The following KANK3 variants were observed in gnomAD, a reference collection of about 807,000 sequenced individuals.
The protein encoded by KANK3 is KN motif and ankyrin repeat domains 3.
In KANK3, 61 loss-of-function variants were observed where a neutral mutation model predicts 65.4. The observed-to-expected ratio is 0.93, with a 90% confidence interval of 0.76 to 1.15. The LOEUF (loss-of-function observed/expected upper bound fraction) is 1.15. Among genes scored for constraint, KANK3 ranks in the 50% most tolerant of loss-of-function variants. The pLI is 0.00. For missense variants in KANK3, 1,187 were observed against 1,178.8 expected (o/e 1.01, Z -0.10); for synonymous variants, 586 against 543.3 (o/e 1.08, Z -1.09).
chr19:8,330,278 A>G (rs1396183788), intron 7 of KANK3, among the ~76,000 whole-genome samples: 3 of 152,050 alleles, frequency 2.0e-5, no homozygotes, highest in Non-Finnish European at 4.4e-5. Flanking sequence ...GAACCAGGGG[A>G]AGGTCTGGAG....
intron 7 of KANK3, among the ~76,000 whole-genome samples, chr19:8,326,322 A>G (rs2145415012): frequency 6.6e-6 from 1 of 152,084 alleles, no homozygotes; most frequent in South Asian, 2.1e-4. Flanking sequence ...TCAGCTACTC[A>G]GGAGGCTGAG....
intron 7 of KANK3, among the ~76,000 whole-genome samples, chr19:8,331,744 G>C (rs1241558462): frequency 6.6e-6 from 1 of 152,126 alleles, no homozygotes; most frequent in East Asian, 1.9e-4. Context: ...AACTCGGTGA[G>C]TGCTCCAGCT....
At chr19:8,338,597 T>C (rs12151140) in intron 1 of KANK3, among the ~76,000 whole-genome samples, 98,418 of 151,506 alleles carry the variant, frequency 0.65, 32,574 homozygotes, top group African/African-American at 0.78. Flanking sequence ...TCATCTAGGC[T>C]GGGCGCGGTG....
intron 2 of KANK3, 70 bp downstream of exon 2, chr19:8,337,725 C>T: frequency 1.9e-6 from 3 of 1,571,428 alleles, no homozygotes; most frequent in South Asian, 1.1e-5. Flanking sequence ...GCTGCGTCCA[C>T]ACACAAGGGC....
chr19:8,338,171 A>G (rs879290402), intron 1 of KANK3, among the ~76,000 whole-genome samples: 1 of 151,566 alleles, frequency 6.6e-6, no homozygotes, highest in Non-Finnish European at 1.5e-5. Flanking sequence ...ACAGGTGCCC[A>G]CCACCACGCC....
In KANK3 at chr19:8,334,829, G is replaced by A; in HGVS notation, c.998C>T (p.Thr333Ile). 6.7e-7 allele frequency: 1 copy of A among 1,481,488 alleles called. No homozygotes were observed. The highest frequency in any genetic ancestry group is 2.8e-5 in the East Asian group (1 of 35,250). The allele number at this position is 1,481,488 out of a possible 1,614,324, so 91.8% of individuals were successfully genotyped here. ...REAGVEAAPE[T>I]VEADAWVTEA... The stretch of plus-strand genomic sequence containing the variant: ...GGTCACCCACGCGTCCGCCTCCACG[G>A]TCTCGGGGGCAGCCTCCACGCCGGC... The change falls in exon 3 of 11, where the codon ACC becomes ATC. Residue 333 changes from threonine to isoleucine, a missense_variant. Transcript: ENST00000330915.
At position 8,334,825 on chromosome 19, in the gene KANK3, C is replaced by G. The variant is rs890852; in HGVS notation, c.1002G>C (p.Val334=). ...CCTCGGTCACCCACGCGTCCGCCTC[C>G]ACGGTCTCGGGGGCAGCCTCCACGC... is the stretch of plus-strand genomic sequence containing the variant. ...EAGVEAAPET[V]EADAWVTEAL... is the part of the protein sequence containing the mutation. Residue 334 remains valine, a synonymous_variant, in exon 3 of 11, where the codon GTG becomes GTC. Transcript: ENST00000330915. 1.3e-6 allele frequency: 2 copies of G among 1,489,050 alleles called. No individual in the cohort carries two copies. Among genetic ancestry groups the G allele is most frequent in the Non-Finnish European group, 1.8e-6 (2 of 1,128,006 alleles). 92.2% of individuals were successfully genotyped at this position (1,489,050 alleles called of 1,614,324 possible).
intron 7 of KANK3, 58 bp from the exon 8 acceptor site, chr19:8,325,154 C>T (rs1274190046): frequency 2.9e-5 from 44 of 1,532,470 alleles, no homozygotes; most frequent in Non-Finnish European, 3.8e-5. Flanking sequence ...CGACTTGATC[C>T]ACTCACCTCC....
chr19:8,332,281 A>G (rs985797806), intron 7 of KANK3, among the ~76,000 whole-genome samples: 2 of 151,744 alleles, frequency 1.3e-5, no homozygotes, highest in African/African-American at 4.8e-5. Flanking sequence ...AGGTTCAAGC[A>G]ATTCTCGTGC....
In KANK3 at chr19:8,335,664, G is replaced by T; in HGVS notation, c.163C>A (p.Leu55Met). 1 of 1,254,090 alleles carries T rather than the reference G, an allele frequency of 8.0e-7. No homozygotes were observed. The highest frequency in any genetic ancestry group is 3.1e-5 in the East Asian group (1 of 31,966). 77.7% of individuals were successfully genotyped at this position (1,254,090 alleles called of 1,614,324 possible). ...CGGCGGGCAGCGGGGCCACGCTCCA[G>T]CTCCTCTATGTACTTGAGGAAGTCC... ...DLDFLKYIEELERGPAARRAP... is the reference protein window; with the variant it reads ...DLDFLKYIEEMERGPAARRAP... The change falls in exon 3 of 11, where the codon CTG becomes ATG. Residue 55 changes from leucine (L) to methionine (M), a missense_variant. Coordinates refer to ENST00000330915, the MANE Select transcript of KANK3 (RefSeq NM_198471.3).
At chr19:8,332,987 T>TGGGGGCCC in intron 7 of KANK3, 27 bp downstream of exon 7, 2 of 395,190 alleles carry the variant, frequency 5.1e-6, no homozygotes, top group Non-Finnish European at 9.5e-6. Flanking sequence ...TTTCCTGGTG[T>TGGGGGCCC]CCCACCCACC....
At chr19:8,338,807 G>A (rs959391260) in intron 1 of KANK3, among the ~76,000 whole-genome samples, 28 of 149,820 alleles carry the variant, frequency 1.9e-4, no homozygotes, top group African/African-American at 6.6e-4. Context: ...CCCGGGAGGC[G>A]GAGCTTGCAG....
At chr19:8,326,481 TAAAAAAAAAA>T (rs369948563) in intron 7 of KANK3, among the ~76,000 whole-genome samples, 21,844 of 119,504 alleles carry the variant, frequency 0.18, 2,146 homozygotes, top group South Asian at 0.31. Context: ...CCACCTGTTG[TAAAAAAAAAA>T]AAAAAAAAAA....
intron 7 of KANK3, among the ~76,000 whole-genome samples, chr19:8,331,131 T>TGCAGTGA (rs2145423634): frequency 6.7e-6 from 1 of 150,008 alleles, no homozygotes; most frequent in Admixed American, 6.7e-5. Context: ...AGGCGTAGGT[T>TGCAGTGA]GCAGTGAGCA....
chr19:8,332,119 G>A (rs1190085304), intron 7 of KANK3, among the ~76,000 whole-genome samples: 2 of 149,066 alleles, frequency 1.3e-5, no homozygotes, highest in Non-Finnish European at 3.0e-5. Flanking sequence ...TCAGCCTCCC[G>A]AATAGCTGGG....
intron 1 of KANK3, among the ~76,000 whole-genome samples, chr19:8,338,307 C>A (rs1331938786): frequency 1.3e-5 from 2 of 152,024 alleles, no homozygotes; most frequent in Non-Finnish European, 2.9e-5. Flanking sequence ...TAGGCATGAG[C>A]CACCGTGCCT....
intron 7 of KANK3, 27 bp downstream of exon 7, chr19:8,332,987 T>TTGGGCCCC: frequency 1.3e-5 from 5 of 395,194 alleles, no homozygotes; most frequent in Non-Finnish European, 1.9e-5. Context: ...TTTCCTGGTG[T>TTGGGCCCC]CCCACCCACC....
At chr19:8,328,016 C>A (rs1352441183) in intron 7 of KANK3, among the ~76,000 whole-genome samples, 3 of 152,158 alleles carry the variant, frequency 2.0e-5, no homozygotes, top group Non-Finnish European at 4.4e-5. Flanking sequence ...CAGTGGCTTA[C>A]GCCTATAATT....
chr19:8,322,838 C>T lies in KANK3; in HGVS notation c.*1G>A, dbSNP rs1970344081. 1 of 1,604,900 alleles carries T rather than the reference C, an allele frequency of 6.2e-7. No individual in the cohort carries two copies. The highest frequency in any genetic ancestry group is 8.5e-7 in the Non-Finnish European group (1 of 1,175,420). On this transcript the variant is annotated 3_prime_UTR_variant, in exon 11 of 11. Coordinates refer to ENST00000330915, the MANE Select transcript of KANK3 (RefSeq NM_198471.3). ...AGGTGTAGTGAGCCAGACGAGGCAG[C>T]TTACTGAACCTGGGGGTTCTCTCCA...
Sources: gnomAD v4.1 joint callset for allele counts (sites outside exome capture counted in the v4.1 genomes callset) on GRCh38, gnomAD v4.1.1 for gene constraint, MANE v1.5 for transcripts, NCBI Gene and HGNC (gene_info 2026-07-23, HGNC 2026-07-21) for gene names.